PLXNA2: variants seen among roughly 807,000 people sequenced by gnomAD.
PLXNA2 encodes plexin A2.
PLXNA2 carries 91 observed loss-of-function variants against 193.5 expected under a neutral mutation model. The observed-to-expected ratio is 0.47, with a 90% confidence interval of 0.40 to 0.56. The LOEUF is 0.56. PLXNA2 is among the 20% of genes least tolerant of loss of function. PLXNA2 has a pLI of 0.00. For synonymous variants in PLXNA2, 997 were observed against 1,027.3 expected, an observed-to-expected ratio of 0.97 and a Z score of 0.56; for missense variants, 1,995 against 2,503.2, an observed-to-expected ratio of 0.80 and a Z score of 4.33.
intron 3 of PLXNA2, among the ~76,000 whole-genome samples, chr1:208,200,788 T>C (rs1176074542): frequency 3.3e-5 from 5 of 151,882 alleles, no homozygotes; most frequent in Admixed American, 1.3e-4. Flanking sequence ...GTATTTTTAG[T>C]AGAGACGGAG....
At chr1:208,138,062 A>T (rs1296764680) in intron 4 of PLXNA2, among the ~76,000 whole-genome samples, 1 of 152,236 alleles carries the variant, frequency 6.6e-6, no homozygotes, top group Non-Finnish European at 1.5e-5. Flanking sequence ...CATTCCCATG[A>T]TATCTTAAAA....
chr1:208,068,528 T>C (rs1049352668), intron 12 of PLXNA2, among the ~76,000 whole-genome samples: 1 of 152,260 alleles, frequency 6.6e-6, no homozygotes, highest in Non-Finnish European at 1.5e-5. Flanking sequence ...TCTTGGTTTC[T>C]AAACCCTTTG....
chr1:208,036,267 A>ACAT (rs898666311), intron 26 of PLXNA2, among the ~76,000 whole-genome samples: 2 of 152,234 alleles, frequency 1.3e-5, no homozygotes, highest in Admixed American at 6.5e-5. Context: ...AGAACAGATT[A>ACAT]CATTATCATT....
At chr1:208,051,476 T>G in intron 15 of PLXNA2, 53 bp from the exon 16 acceptor site, 1 of 1,513,124 alleles carries the variant, frequency 6.6e-7, no homozygotes, top group Non-Finnish European at 9.0e-7. Flanking sequence ...CAACAAGAGG[T>G]GCCCACTGGC....
At chr1:208,108,396 G>A (rs1171982095) in intron 4 of PLXNA2, among the ~76,000 whole-genome samples, 1 of 152,154 alleles carries the variant, frequency 6.6e-6, no homozygotes, top group Non-Finnish European at 1.5e-5. Flanking sequence ...AGAGCCCCTG[G>A]GCAGTTACTC....
chr1:208,147,465 T>C (rs1668635949), intron 3 of PLXNA2, among the ~76,000 whole-genome samples: 1 of 152,128 alleles, frequency 6.6e-6, no homozygotes, highest in African/African-American at 2.4e-5. Flanking sequence ...TGGTTAAATG[T>C]GGCCCTGCCT....
intron 12 of PLXNA2, among the ~76,000 whole-genome samples, chr1:208,066,554 A>G (rs1259554681): frequency 7.9e-5 from 12 of 152,208 alleles, no homozygotes; most frequent in Admixed American, 7.9e-4. Context: ...TAGCATATAC[A>G]ATTATGTACA....
chr1:208,048,999 GCA>G, intron 17 of PLXNA2, among the ~76,000 whole-genome samples: 1 of 152,250 alleles, frequency 6.6e-6, no homozygotes, highest in South Asian at 2.1e-4. Flanking sequence ...CTGGGACCAG[GCA>G]CCAAACATCT....
In PLXNA2 at chr1:208,029,589, A is replaced by T. The variant is rs1048644542; in HGVS notation, c.5226-547T>A. 1.5e-5 allele frequency: 15 copies of T among 990,588 alleles called. No homozygotes were observed. In the Admixed American group the frequency reaches 2.8e-4, roughly 19 times the overall value. 61.4% of individuals were successfully genotyped at this position (990,588 alleles called of 1,614,324 possible). ...CCGAGGAATGGGCTCCCCTGGGGGA[A>T]GTTCTTTCATGACTCTCCCCAGGGC... On this transcript the variant is annotated intron_variant, in intron 29 of 31. Coordinates refer to ENST00000367033, the MANE Select transcript of PLXNA2 (RefSeq NM_025179.4).
intron 7 of PLXNA2, 76 bp from the exon 8 acceptor site, chr1:208,096,201 G>A (rs1240724884): frequency 2.1e-5 from 24 of 1,131,072 alleles, no homozygotes; most frequent in Non-Finnish European, 3.2e-5. Context: ...AAAATAAAAT[G>A]TAAGTCATGA....
intron 4 of PLXNA2, among the ~76,000 whole-genome samples, chr1:208,134,270 G>T (rs775354878): frequency 1.3e-5 from 2 of 152,142 alleles, no homozygotes; most frequent in Non-Finnish European, 2.9e-5. Flanking sequence ...AATAGCCAGA[G>T]AATCAGCTCC....
chr1:208,096,897 A>G lies in PLXNA2; in HGVS notation c.1732-14T>C, dbSNP rs771493621. On this transcript the variant is annotated splice_polypyrimidine_tract_variant and intron_variant, in intron 6 of 31. Coordinates refer to ENST00000367033, the MANE Select transcript of PLXNA2 (RefSeq NM_025179.4). Reference sequence around the variant, plus strand: ...TACCAGGCTAAGCTGTGGGAGGAGCAAAGAGATGATGCCAAAGAAATGCCT... The same window carrying G: ...TACCAGGCTAAGCTGTGGGAGGAGCGAAGAGATGATGCCAAAGAAATGCCT... 1 of 1,610,520 alleles carries G rather than the reference A, an allele frequency of 6.2e-7. No homozygotes were observed. The highest frequency in any genetic ancestry group is 1.7e-5 in the Admixed American group (1 of 59,756).
At chr1:208,237,461 C>T (rs1189649136) in intron 1 of PLXNA2, among the ~76,000 whole-genome samples, 3 of 152,192 alleles carry the variant, frequency 2.0e-5, no homozygotes, top group Non-Finnish European at 4.4e-5. Flanking sequence ...ACATAGAATA[C>T]AACACGAAAA....
At chr1:208,118,225 T>C (rs895903264) in intron 4 of PLXNA2, among the ~76,000 whole-genome samples, 1 of 152,142 alleles carries the variant, frequency 6.6e-6, no homozygotes, top group African/African-American at 2.4e-5. Context: ...GATAAAATTG[T>C]TTAAAAAAAG....
chr1:208,080,902 A>G (rs145462310), intron 11 of PLXNA2, among the ~76,000 whole-genome samples: 1 of 152,140 alleles, frequency 6.6e-6, no homozygotes, highest in East Asian at 1.9e-4. Context: ...CAGCAGGTGA[A>G]CCCCACTTTG....
In PLXNA2 at chr1:208,038,458, C is replaced by T. The variant is rs1467837269; in HGVS notation, c.4677G>A (p.Arg1559=). ...CATCTTGCAGCACGACCCGGGCGAT[C>T]CGGCCTTGGCGCCACTCTGGGTGGA... ...VDMDLEWRQG[R]IARVVLQDED... is the part of the protein sequence containing the mutation. The change falls in exon 26 of 32, where the codon CGG becomes CGA. Residue 1559 remains arginine (R), a synonymous_variant. Coordinates refer to ENST00000367033, the MANE Select transcript of PLXNA2 (RefSeq NM_025179.4). This position sits in a 1 kb window ranked among gnomAD's most constrained non-coding sequence, Gnocchi z 4.1. 4 of 1,614,024 alleles carry T rather than the reference C, an allele frequency of 2.5e-6. No individual in the cohort carries two copies. In the African/African-American group the frequency reaches 5.3e-5, roughly 22 times the overall value.
At chr1:208,056,723 G>A (rs551646133) in intron 13 of PLXNA2, among the ~76,000 whole-genome samples, 1 of 152,202 alleles carries the variant, frequency 6.6e-6, no homozygotes, top group African/African-American at 2.4e-5. Flanking sequence ...GGATGCAGGG[G>A]TCCAGGGGCT....
At chr1:208,108,394 T>C (rs1478102914) in intron 4 of PLXNA2, among the ~76,000 whole-genome samples, 2 of 152,172 alleles carry the variant, frequency 1.3e-5, no homozygotes, top group East Asian at 3.8e-4. Context: ...ACAGAGCCCC[T>C]GGGCAGTTAC....
intron 3 of PLXNA2, among the ~76,000 whole-genome samples, chr1:208,169,713 T>A (rs900084781): frequency 9.2e-5 from 14 of 152,124 alleles, no homozygotes; most frequent in South Asian, 6.2e-4. Flanking sequence ...GGGGCTTCTA[T>A]CAGCAGACAA....
Sources: gnomAD v4.1 joint callset for allele counts (sites outside exome capture counted in the v4.1 genomes callset) on GRCh38, gnomAD v4.1.1 for gene constraint, Gnocchi (gnomAD v3.1) non-coding constraint, MANE v1.5 for transcripts, NCBI Gene and HGNC (gene_info 2026-07-23, HGNC 2026-07-21) for gene names.